AUTS2: variants seen among roughly 807,000 people sequenced by gnomAD.
AUTS2 encodes the protein activator of transcription and developmental regulator AUTS2, also known as autism susceptibility gene 2 protein.
Under a neutral mutation model 112.4 loss-of-function variants are expected in AUTS2, and 17 were observed. That is an observed-to-expected ratio of 0.15 (90% CI 0.10 to 0.23). AUTS2 has a LOEUF of 0.23. Among genes scored for constraint, AUTS2 ranks in the 10% least tolerant of loss-of-function variants. The probability of loss-of-function intolerance (pLI) is 1.00; values close to 1 mark genes in which losing one functional copy is unlikely to be tolerated. For missense variants in AUTS2, 1,510 were observed against 1,701.6 expected (o/e 0.89, Z 1.98); for synonymous variants, 751 against 702.7 (o/e 1.07, Z -1.09).
chr7:69,914,329 A>T (rs1795473642), intron 2 of AUTS2, among the ~76,000 whole-genome samples: 1 of 143,374 alleles, frequency 7.0e-6, no homozygotes, highest in Admixed American at 7.2e-5. Flanking sequence ...AAAAAAGCAC[A>T]CACACAGACA....
intron 2 of AUTS2, among the ~76,000 whole-genome samples, chr7:70,053,513 T>C (rs2129559580): frequency 6.6e-6 from 1 of 151,104 alleles, no homozygotes; most frequent in South Asian, 2.1e-4. Flanking sequence ...GCTACAAATG[T>C]CTTCCATTGT....
At position 70,079,500 on chromosome 7, in the gene AUTS2, T is replaced by G. The variant is rs536201925; in HGVS notation, c.523-38632T>G. ...CTGGGCAACAGACAGAAACTCCATC[T>G]CAAAAAATAAAAAAAAGTTATGTAA... On this transcript the variant is annotated intron_variant, in intron 2 of 18. Transcript: ENST00000342771. 2.2e-4 allele frequency among the ~76,000 whole-genome samples: 34 copies of G among 152,006 alleles called. No individual in the cohort carries two copies. In the South Asian group the frequency reaches 7.1e-3, roughly 32 times the overall value.
chr7:70,725,575 G>A (rs1232754939), intron 6 of AUTS2, among the ~76,000 whole-genome samples: 2 of 152,198 alleles, frequency 1.3e-5, no homozygotes, highest in African/African-American at 4.8e-5. Context: ...AAATGGGAAA[G>A]CAGTGGCATT....
chr7:70,726,665 A>G (rs751726966), intron 6 of AUTS2, among the ~76,000 whole-genome samples: 41 of 152,318 alleles, frequency 2.7e-4, no homozygotes, highest in Admixed American at 5.9e-4. Flanking sequence ...AGCATTAAGA[A>G]ATCCCAAGAC....
At chr7:70,170,438 C>G (rs1313348095) in intron 4 of AUTS2, among the ~76,000 whole-genome samples, 1 of 152,028 alleles carries the variant, frequency 6.6e-6, no homozygotes, top group Non-Finnish European at 1.5e-5. Context: ...ATTACAGCCA[C>G]TGCGCCTAGC....
At chr7:70,334,931 A>G (rs1790922196) in intron 4 of AUTS2, among the ~76,000 whole-genome samples, 1 of 152,120 alleles carries the variant, frequency 6.6e-6, no homozygotes, top group South Asian at 2.1e-4. Context: ...AGACTGGAGG[A>G]AAGAATGAAC....
chr7:69,658,563 C>A (rs987249173), intron 1 of AUTS2, among the ~76,000 whole-genome samples: 3 of 152,096 alleles, frequency 2.0e-5, no homozygotes, highest in Non-Finnish European at 4.4e-5. Flanking sequence ...ATATGGGATG[C>A]AGAGACACCA....
At chr7:69,673,898 T>C (rs1276019607) in intron 1 of AUTS2, among the ~76,000 whole-genome samples, 1 of 152,266 alleles carries the variant, frequency 6.6e-6, no homozygotes, top group Non-Finnish European at 1.5e-5. Flanking sequence ...GGTTTAGTGA[T>C]TGTTTTGTTT....
At chr7:70,356,042 GGGAGAAGTGA>G (rs1286792044) in intron 4 of AUTS2, among the ~76,000 whole-genome samples, 1 of 152,140 alleles carries the variant, frequency 6.6e-6, no homozygotes, top group Non-Finnish European at 1.5e-5. Context: ...ACTACCTGCG[GGGAGAAGTGA>G]GGAGATGGGA....
intron 6 of AUTS2, among the ~76,000 whole-genome samples, chr7:70,735,478 G>A (rs1787727975): frequency 6.6e-6 from 1 of 152,138 alleles, no homozygotes; most frequent in Non-Finnish European, 1.5e-5. Context: ...ACCCTCACGG[G>A]GGTGATGCGG....
In AUTS2 at chr7:70,750,513, A is replaced by T. The variant is rs539101794; in HGVS notation, c.743-12357A>T. 5.0e-5 allele frequency among the ~76,000 whole-genome samples: 7 copies of T among 140,010 alleles called. No homozygotes were observed. In the South Asian group the frequency reaches 1.5e-3, roughly 31 times the overall value. The allele number at this position is 140,010 out of a possible 152,430, so 91.9% of individuals were successfully genotyped here. ...CCTCCCAGGCTCAGGTGTTCCTCCCACCTCAGCCTCCTGAGTAGCTGGGAC... is the reference window on the plus strand; with the variant it reads ...CCTCCCAGGCTCAGGTGTTCCTCCCTCCTCAGCCTCCTGAGTAGCTGGGAC... On this transcript the variant is annotated intron_variant, in intron 6 of 18. Coordinates refer to ENST00000342771, the MANE Select transcript of AUTS2 (RefSeq NM_015570.4).
chr7:70,057,272 G>A (rs904285824), intron 2 of AUTS2, among the ~76,000 whole-genome samples: 5 of 152,078 alleles, frequency 3.3e-5, no homozygotes, highest in Non-Finnish European at 5.9e-5. Context: ...ATCACATGCC[G>A]TTTACCAGGA....
At chr7:70,781,499 T>G in intron 14 of AUTS2, 116 bp from the exon 15 acceptor site, 1 of 1,270,474 alleles carries the variant, frequency 7.9e-7, no homozygotes, top group South Asian at 1.5e-5. Flanking sequence ...TCTCTCACAG[T>G]GTTTGTAAAC....
At chr7:70,611,192 A>T (rs997189551) in intron 5 of AUTS2, among the ~76,000 whole-genome samples, 10 of 152,218 alleles carry the variant, frequency 6.6e-5, no homozygotes, top group African/African-American at 2.4e-4. Flanking sequence ...GCACGTAGGT[A>T]TGCAGTTTTC....
At chr7:70,230,703 G>A (rs970955992) in intron 4 of AUTS2, among the ~76,000 whole-genome samples, 3 of 152,188 alleles carry the variant, frequency 2.0e-5, no homozygotes, top group Non-Finnish European at 4.4e-5. Context: ...AGATAAGTAG[G>A]ATCGCATCAA....
At chr7:70,652,634 C>G (rs754413626) in intron 5 of AUTS2, among the ~76,000 whole-genome samples, 5 of 152,300 alleles carry the variant, frequency 3.3e-5, no homozygotes, top group African/African-American at 1.2e-4. Context: ...CCTGTAGTCT[C>G]AGCTACTCGA....
chr7:69,768,602 G>A lies in AUTS2; in HGVS notation c.310-130684G>A, dbSNP rs183648538. 5.5e-4 allele frequency among the ~76,000 whole-genome samples: 84 copies of A among 152,280 alleles called. 1 individual carries two copies. Among genetic ancestry groups the A allele is most frequent in the Admixed American group, 5.4e-3 (82 of 15,290 alleles). ...GAGTGAGCAGGAAAACCTTGTGGGG[G>A]TAACTGATTCCTTGTACAAAAGAAC... On this transcript the variant is annotated intron_variant, in intron 1 of 18. Coordinates refer to ENST00000342771, the MANE Select transcript of AUTS2 (RefSeq NM_015570.4).
intron 4 of AUTS2, among the ~76,000 whole-genome samples, chr7:70,334,649 G>T (rs1455932356): frequency 6.6e-6 from 1 of 152,104 alleles, no homozygotes; most frequent in African/African-American, 2.4e-5. Context: ...CTTGCTCATT[G>T]TTCTCTCCTT....
At chr7:70,070,974 A>G (rs1183596554) in intron 2 of AUTS2, among the ~76,000 whole-genome samples, 1 of 152,120 alleles carries the variant, frequency 6.6e-6, no homozygotes, top group Non-Finnish European at 1.5e-5. Flanking sequence ...ACACTTGAGA[A>G]TGTGAAGTCT....
Sources: allele counts gnomAD v4.1 joint callset (sites outside exome capture counted in the v4.1 genomes callset), GRCh38; gene constraint gnomAD v4.1.1; transcripts MANE v1.5; gene names NCBI Gene and HGNC (gene_info 2026-07-23, HGNC 2026-07-21).